Variants in UACA observed in about 807,000 individuals in gnomAD.
UACA encodes nuclear membrane binding protein.
Under a neutral mutation model 160.5 loss-of-function variants are expected in UACA, and 112 were observed. The observed-to-expected ratio is 0.70, with a 90% CI of 0.60 to 0.82. UACA has a LOEUF of 0.82. Among genes scored for constraint, UACA ranks in the 40% least tolerant of loss-of-function variants. The probability of loss-of-function intolerance (pLI) is 0.00; values close to 1 mark genes in which losing one functional copy is unlikely to be tolerated. For missense variants in UACA, 1,574 were observed against 1,614.6 expected, an observed-to-expected ratio of 0.97 and a Z score of 0.43; for synonymous variants, 557 against 568.4, an observed-to-expected ratio of 0.98 and a Z score of 0.29.
chr15:70,693,881 G>A (rs574896041), intron 3 of UACA, among the ~76,000 whole-genome samples: 2 of 152,212 alleles, frequency 1.3e-5, no homozygotes, highest in South Asian at 4.1e-4. Flanking sequence ...GCATATATAA[G>A]CAATAAACAC....
chr15:70,710,655 G>A (rs1898657495), intron 1 of UACA, among the ~76,000 whole-genome samples: 1 of 152,192 alleles, frequency 6.6e-6, no homozygotes, highest in Admixed American at 6.5e-5. Flanking sequence ...ATTTGCTAGA[G>A]CAGCTCACAG....
At chr15:70,770,937 C>T in the UACA span, among the ~76,000 whole-genome samples, 1 of 152,186 alleles carries the variant, frequency 6.6e-6, no homozygotes, top group Non-Finnish European at 1.5e-5. Context: ...AGTCAAACCC[C>T]AGCTAAAACT....
At chr15:70,739,312 T>C (rs192547817) in intron 1 of UACA, among the ~76,000 whole-genome samples, 1 of 152,262 alleles carries the variant, frequency 6.6e-6, no homozygotes, top group African/African-American at 2.4e-5. Context: ...GTCCTGCACA[T>C]TGTAGGATGT....
In UACA at chr15:70,667,096, G is replaced by A. The variant is rs777453408; in HGVS notation, c.3588C>T (p.Asn1196=). ...GAAGTTTGGAGACTTCTTCCATTTT[G>A]TTTTGGCTTTCTTCTTCCTTTTCTC... ...SLREKEEESQ[N]KMEEVSKLQS... The change falls in exon 16 of 19, where the codon AAC becomes AAT. Residue 1196 remains asparagine (N), a synonymous_variant. Transcript: ENST00000322954. 3 of 1,612,732 alleles carry A rather than the reference G, an allele frequency of 1.9e-6. No homozygotes were observed. The highest frequency in any genetic ancestry group is 1.7e-5 in the Admixed American group (1 of 59,744).
chr15:70,676,682 T>C (rs544552722), intron 12 of UACA, 91 bp from the exon 13 acceptor site: 13 of 1,027,260 alleles, frequency 1.3e-5, no homozygotes, highest in African/African-American at 1.1e-4. Flanking sequence ...TGGAATTGCA[T>C]TGAGGACTGG....
chr15:70,765,017 TG>T (rs1244674397), upstream of UACA, among the ~76,000 whole-genome samples: 19 of 152,250 alleles, frequency 1.2e-4, no homozygotes, highest in African/African-American at 4.6e-4. Context: ...ATACTCCTCT[TG>T]CTCAAAAGCC....
chr15:70,658,814 G>C (rs1009031374), intron 18 of UACA, among the ~76,000 whole-genome samples: 3 of 152,048 alleles, frequency 2.0e-5, no homozygotes, highest in African/African-American at 7.2e-5. Flanking sequence ...ACAGCAGGAT[G>C]TTTACATTTC....
intron 1 of UACA, among the ~76,000 whole-genome samples, chr15:70,737,322 G>A (rs1004014886): frequency 6.6e-6 from 1 of 152,116 alleles, no homozygotes; most frequent in Non-Finnish European, 1.5e-5. Flanking sequence ...ATAAGAGACT[G>A]TGTTGTTTTT....
chr15:70,693,198 C>T (rs1422274082), intron 3 of UACA, among the ~76,000 whole-genome samples: 1 of 152,134 alleles, frequency 6.6e-6, no homozygotes, highest in East Asian at 1.9e-4. Flanking sequence ...CAAAATGCTA[C>T]AGAAACTTGG....
At chr15:70,713,687 A>G (rs1898750223) in intron 1 of UACA, among the ~76,000 whole-genome samples, 1 of 152,224 alleles carries the variant, frequency 6.6e-6, no homozygotes, top group Non-Finnish European at 1.5e-5. Context: ...CTTTGGAATC[A>G]AGTCTACAAA....
chr15:70,694,396 T>C (rs751264384), intron 3 of UACA, among the ~76,000 whole-genome samples: 2 of 152,020 alleles, frequency 1.3e-5, no homozygotes, highest in African/African-American at 2.4e-5. Flanking sequence ...CGATTCTCTA[T>C]AAAAAATGAT....
intron 1 of UACA, among the ~76,000 whole-genome samples, chr15:70,738,095 T>C (rs902982461): frequency 1.3e-5 from 2 of 152,214 alleles, no homozygotes; most frequent in Non-Finnish European, 2.9e-5. Flanking sequence ...AACTTTTCTA[T>C]TTTATTATTT....
At chr15:70,681,970 A>G (rs1897524947) in intron 9 of UACA, 1 of 152,210 alleles carries the variant, frequency 6.6e-6, no homozygotes, top group Non-Finnish European at 1.5e-5. Flanking sequence ...GTACCTGATT[A>G]CTTTCTCTTC....
At chr15:70,744,570 T>G (rs1370562158) in intron 1 of UACA, among the ~76,000 whole-genome samples, 1 of 152,122 alleles carries the variant, frequency 6.6e-6, no homozygotes, top group Non-Finnish European at 1.5e-5. Context: ...AAGCTACCTA[T>G]ACCAAGCAAG....
intron 1 of UACA, among the ~76,000 whole-genome samples, chr15:70,705,256 C>T (rs936390351): frequency 8.5e-5 from 13 of 152,184 alleles, no homozygotes; most frequent in East Asian, 3.9e-4. Context: ...TGGCTGGGTG[C>T]GGTGGCTCAC....
chr15:70,659,395 G>GTTTTTTGTTTTTTTTTTT (rs1896607591), intron 18 of UACA, among the ~76,000 whole-genome samples: 1 of 18,818 alleles, frequency 5.3e-5, no homozygotes, highest in Non-Finnish European at 9.6e-5. Context: ...TTTTTTGTTT[G>GTTTTTTGTTTTTTTTTTT]TTTTTTTTTT....
Position 70,667,539 on chromosome 15 carries a change from C to T in UACA, c.3145G>A (p.Val1049Ile). The T allele has an allele frequency of 6.2e-7, 1 of 1,612,918 alleles. No individual in the cohort carries two copies. The highest frequency in any genetic ancestry group is 8.5e-7 in the Non-Finnish European group (1 of 1,179,956). ...ATTTCATGAGACTTCTCAATGAGAACTGTCTTATCTCTCAAATCTTTCTGA... is the reference window on the plus strand; with the variant it reads ...ATTTCATGAGACTTCTCAATGAGAATTGTCTTATCTCTCAAATCTTTCTGA... ...TLQKDLRDKT[V>I]LIEKSHEMER... is the part of the protein sequence containing the mutation. Residue 1049 changes from valine (V) to isoleucine (I), a missense_variant, in exon 16 of 19, where the codon GTT becomes ATT. Val to Ile is a conservative substitution (Grantham distance 29, BLOSUM62 3). Transcript: ENST00000322954.
chr15:70,701,476 A>AT lies in UACA; in HGVS notation c.79-1817dup, dbSNP rs757753858. Among the ~76,000 whole-genome samples, 5 of 152,244 alleles carry AT rather than the reference A, an allele frequency of 3.3e-5. No homozygotes were observed. The East Asian group carries it at 9.6e-4, about 29-fold the overall frequency. On this transcript the variant is annotated intron_variant, in intron 1 of 18. Coordinates refer to ENST00000322954, the MANE Select transcript of UACA (RefSeq NM_018003.4). ...TTACAATTAAAACAATCTCCAGTTT[A>AT]TTTCCAAGTAAACTTGCTGGTGGAA...
chr15:70,725,777 AT>A (rs150036085), intron 1 of UACA, among the ~76,000 whole-genome samples: 2,433 of 152,332 alleles, frequency 0.016, 27 homozygotes, highest in Non-Finnish European at 0.023. Flanking sequence ...GTTTTCAAGA[AT>A]TCTGGCACTG....
Sources: allele counts gnomAD v4.1 joint callset (sites outside exome capture counted in the v4.1 genomes callset), GRCh38; gene constraint gnomAD v4.1.1; transcripts MANE v1.5; gene names NCBI Gene and HGNC (gene_info 2026-07-23, HGNC 2026-07-21).